PCDHA1: variants seen among roughly 807,000 people sequenced by gnomAD.
PCDHA1 encodes protocadherin alpha-1.
A neutral mutation model predicts 61.3 loss-of-function variants in PCDHA1; 42 were observed. That is an observed-to-expected ratio of 0.69 (90% CI 0.54 to 0.89). PCDHA1 has a LOEUF of 0.89. Among genes scored for constraint, PCDHA1 ranks in the 40% least tolerant of loss-of-function variants. The pLI, the probability that PCDHA1 is intolerant of heterozygous loss-of-function variation, is 0.00. For synonymous variants in PCDHA1, 610 were observed against 553.8 expected, an observed-to-expected ratio of 1.10 and a Z score of -1.43; for missense variants, 1,256 against 1,235.3, an observed-to-expected ratio of 1.02 and a Z score of -0.25.
At chr5:140,836,901 A>C in intron 1 of PCDHA1, 1 of 593,722 alleles carries the variant, frequency 1.7e-6, no homozygotes. Flanking sequence ...AAGTACGTTT[A>C]ATATACACTT....
At chr5:140,874,496 T>A (rs1352627184) in intron 1 of PCDHA1, among the ~76,000 whole-genome samples, 1 of 152,214 alleles carries the variant, frequency 6.6e-6, no homozygotes, top group Non-Finnish European at 1.5e-5. Context: ...TGATATCAAG[T>A]TCACATTCTC....
intron 1 of PCDHA1, chr5:140,811,879 C>T (rs184579564): frequency 2.0e-5 from 3 of 151,982 alleles, no homozygotes; most frequent in African/African-American, 2.4e-5. Flanking sequence ...TGTTTAGGTT[C>T]TTTGTAGATT....
In PCDHA1 at chr5:140,787,297, T is replaced by A. The variant is rs782734782; in HGVS notation, c.1007T>A (p.Val336Asp). The part of the protein sequence containing the change: ...GSPPMSNHCK[V>D]LVKVLDVNDN... ...CCTCCGATGTCAAATCACTGTAAGG[T>A]TTTGGTGAAAGTGCTGGATGTAAAT... Residue 336 changes from valine to aspartate, a missense_variant, in exon 1 of 4, where the codon GTT (valine) becomes GAT (aspartate). Val to Asp is a radical substitution (Grantham distance 152, BLOSUM62 -3). Coordinates refer to ENST00000504120, the MANE Select transcript of PCDHA1 (RefSeq NM_018900.4). 12 of 1,614,062 alleles carry A rather than the reference T, an allele frequency of 7.4e-6. No homozygotes were observed. The highest frequency in any genetic ancestry group is 1.0e-5 in the Non-Finnish European group (12 of 1,180,000).
intron 1 of PCDHA1, among the ~76,000 whole-genome samples, chr5:140,961,885 C>G (rs2095640261): frequency 6.7e-6 from 1 of 149,548 alleles, no homozygotes. Context: ...TTACTTACAT[C>G]AGTTTTTTTT....
intron 1 of PCDHA1, chr5:140,835,438 T>G (rs1773640668): frequency 6.2e-7 from 1 of 1,613,918 alleles, no homozygotes; most frequent in South Asian, 1.1e-5. Context: ...CAGTTGACTC[T>G]CACTTCCCTG....
At position 140,877,198 on chromosome 5, in the gene PCDHA1, G is replaced by A. The variant is rs781787046; in HGVS notation, c.2394+88514G>A. On this transcript the variant is annotated intron_variant, in intron 1 of 3. Transcript: ENST00000504120. Reference sequence around the variant, plus strand: ...GACTCCGGCTGGCAGCGCAGGAGGCGCAGTTAGCGAGTTGGTACCGCGGTC... The same window carrying A: ...GACTCCGGCTGGCAGCGCAGGAGGCACAGTTAGCGAGTTGGTACCGCGGTC... The A allele has an allele frequency of 1.5e-5, 24 of 1,613,830 alleles. No individual in the cohort carries two copies. The highest frequency in any genetic ancestry group is 7.7e-5 in the South Asian group (7 of 91,064).
chr5:140,943,274 A>AAAAG (rs1349019397), intron 1 of PCDHA1, among the ~76,000 whole-genome samples: 1 of 141,284 alleles, frequency 7.1e-6, no homozygotes, highest in Admixed American at 7.3e-5. Context: ...AAAAAAAAAA[A>AAAAG]AAAGAAAGAA....
intron 3 of PCDHA1, among the ~76,000 whole-genome samples, chr5:140,986,404 G>GT (rs2097199196): frequency 6.6e-6 from 1 of 152,190 alleles, no homozygotes; most frequent in Non-Finnish European, 1.5e-5. Context: ...AGTCGCTCAT[G>GT]TTACAGCTCT....
intron 1 of PCDHA1, among the ~76,000 whole-genome samples, chr5:140,895,253 C>A (rs2153449431): frequency 6.6e-6 from 1 of 152,084 alleles, no homozygotes; most frequent in East Asian, 1.9e-4. Context: ...TCAAAGCTTT[C>A]TTTTTTTTCT....
At chr5:140,868,823 G>A (rs576498570) in intron 1 of PCDHA1, 4 of 397,532 alleles carry the variant, frequency 1.0e-5, no homozygotes, top group South Asian at 6.7e-5. Context: ...ATATTTGGGG[G>A]AAGAAACCCA....
intron 1 of PCDHA1, among the ~76,000 whole-genome samples, chr5:140,840,315 T>C (rs2150305652): frequency 5.9e-5 from 9 of 152,012 alleles, no homozygotes; most frequent in Non-Finnish European, 1.2e-4. Context: ...TTAACTTTGG[T>C]CGACTCATTT....
At chr5:140,970,862 T>C (rs2153787404) in intron 1 of PCDHA1, among the ~76,000 whole-genome samples, 1 of 152,312 alleles carries the variant, frequency 6.6e-6, no homozygotes, top group South Asian at 2.1e-4. Flanking sequence ...GTTCCATTCC[T>C]GATTGAGAGT....
chr5:140,988,751 T>C (rs1433769306), intron 3 of PCDHA1, among the ~76,000 whole-genome samples: 2 of 152,198 alleles, frequency 1.3e-5, no homozygotes, highest in Non-Finnish European at 2.9e-5. Flanking sequence ...ATTGGTGGCC[T>C]GGGCAGAATA....
At chr5:140,849,605 C>G (rs1469942879) in intron 1 of PCDHA1, 1 of 1,598,466 alleles carries the variant, frequency 6.3e-7, no homozygotes, top group Non-Finnish European at 8.6e-7. Flanking sequence ...CAGTTATTGC[C>G]CTGATTAGTG....
At chr5:141,008,502 G>A (rs539439181) in intron 3 of PCDHA1, among the ~76,000 whole-genome samples, 2 of 152,110 alleles carry the variant, frequency 1.3e-5, no homozygotes, top group South Asian at 4.2e-4. Context: ...TATACTTTAT[G>A]GTGTGTCTTC....
intron 1 of PCDHA1, chr5:140,929,903 C>T (rs11747154): frequency 0.12 from 17,815 of 152,352 alleles, 1,161 homozygotes; most frequent in Middle Eastern, 0.19. Context: ...ATCTTTAATA[C>T]GATATACCAT....
At chr5:140,830,666 A>G in intron 1 of PCDHA1, 1 of 390,320 alleles carries the variant, frequency 2.6e-6, no homozygotes, top group Non-Finnish European at 4.2e-6. Flanking sequence ...AATTTAAGTG[A>G]AATTAGAAAT....
Position 140,788,541 on chromosome 5 carries a change from T to C in PCDHA1, c.2251T>C (p.Ser751Pro). The change falls in exon 1 of 4, where the codon TCA becomes CCA. Residue 751 changes from serine (S) to proline (P), a missense_variant. Physicochemically the swap from Ser to Pro is moderately conservative, Grantham distance 74. Transcript: ENST00000504120. ...CSSALGSWSNSQQRRQRVCSS... is the reference protein window; with the variant it reads ...CSSALGSWSNPQQRRQRVCSS... ...CAGCGCGTTGGGGAGCTGGTCGAAC[T>C]CACAGCAGAGGCGGCAGAGGGTGTG... is the stretch of plus-strand genomic sequence containing the variant. 1.2e-6 allele frequency: 2 copies of C among 1,614,046 alleles called. No homozygotes were observed. The highest frequency in any genetic ancestry group is 1.7e-6 in the Non-Finnish European group (2 of 1,179,942).
chr5:140,972,910 C>G (rs2096563603), intron 1 of PCDHA1, among the ~76,000 whole-genome samples: 1 of 152,054 alleles, frequency 6.6e-6, no homozygotes, highest in Non-Finnish European at 1.5e-5. Flanking sequence ...GATCCACCCG[C>G]CTTGGCCTCC....
Sources: allele counts gnomAD v4.1 joint callset (sites outside exome capture counted in the v4.1 genomes callset), GRCh38; gene constraint gnomAD v4.1.1; transcripts MANE v1.5; gene names NCBI Gene and HGNC (gene_info 2026-07-23, HGNC 2026-07-21).